POU6F2: variants seen among roughly 807,000 people sequenced by gnomAD.
POU6F2 encodes the protein POU domain, class 6, transcription factor 2.
A neutral mutation model predicts 71.3 loss-of-function variants in POU6F2; 31 were observed. The ratio of observed to expected loss-of-function variants is 0.43; its 90% CI spans 0.33 to 0.59. The LOEUF (loss-of-function observed/expected upper bound fraction) is 0.59. POU6F2 is among the 20% of genes least tolerant of loss of function. The pLI, the probability that POU6F2 is intolerant of heterozygous loss-of-function variation, is 0.04. For missense variants in POU6F2, 783 were observed against 856.8 expected, an observed-to-expected ratio of 0.91 and a Z score of 1.07; for synonymous variants, 347 against 355.7, an observed-to-expected ratio of 0.98 and a Z score of 0.27.
intron 4 of POU6F2, among the ~76,000 whole-genome samples, chr7:39,216,325 T>C (rs1239691217): frequency 6.6e-6 from 1 of 152,234 alleles, no homozygotes; most frequent in Non-Finnish European, 1.5e-5. Flanking sequence ...TCATGTGGTT[T>C]TTCAGAACAC....
chr7:39,327,567 C>T (rs2128770630), intron 4 of POU6F2, among the ~76,000 whole-genome samples: 1 of 151,994 alleles, frequency 6.6e-6, no homozygotes, highest in Non-Finnish European at 1.5e-5. Flanking sequence ...CAAGGCCAGG[C>T]TGGGCAACAT....
intron 4 of POU6F2, among the ~76,000 whole-genome samples, chr7:39,285,814 C>T (rs2128760814): frequency 1.3e-5 from 2 of 152,322 alleles, no homozygotes; most frequent in South Asian, 4.1e-4. Context: ...CCCCATCTGT[C>T]AGCTCCTCTG....
chr7:39,148,883 A>C (rs934021616), intron 2 of POU6F2, among the ~76,000 whole-genome samples: 1 of 152,188 alleles, frequency 6.6e-6, no homozygotes, highest in Non-Finnish European at 1.5e-5. Context: ...GATGATGTGG[A>C]TCCTGTGGAT....
chr7:39,330,254 C>T (rs903286922), intron 4 of POU6F2, among the ~76,000 whole-genome samples: 2 of 152,252 alleles, frequency 1.3e-5, no homozygotes, highest in African/African-American at 2.4e-5. Flanking sequence ...ACATCTCTCA[C>T]TCTCTTTTTC....
chr7:39,391,514 G>GA (rs1454464835), intron 5 of POU6F2, among the ~76,000 whole-genome samples: 1 of 151,962 alleles, frequency 6.6e-6, no homozygotes, highest in Non-Finnish European at 1.5e-5. Context: ...ATGTTATTCT[G>GA]AAAAAAATCA....
chr7:39,319,227 A>T (rs1257343321), intron 4 of POU6F2, among the ~76,000 whole-genome samples: 4 of 152,196 alleles, frequency 2.6e-5, no homozygotes, highest in African/African-American at 9.7e-5. Flanking sequence ...GAAAGCCTGT[A>T]ACTGGGAAAG....
intron 4 of POU6F2, among the ~76,000 whole-genome samples, chr7:39,319,214 G>C (rs1785334890): frequency 6.6e-6 from 1 of 152,156 alleles, no homozygotes; most frequent in Non-Finnish European, 1.5e-5. Flanking sequence ...CAAATTGTAA[G>C]CAGAAAGCCT....
rs536031914 is a variant in POU6F2 at position 39,406,308 on chromosome 7, C to T, written c.973-292C>T. On this transcript the variant is annotated intron_variant, in intron 5 of 9. Coordinates refer to ENST00000518318, the MANE Select transcript of POU6F2 (RefSeq NM_001370959.1). ...CTTCTGCGAAATCATTTCTCCACCC[C>T]AGAAGGTCCTAACAGCCCACCTCAC... 20 of 394,350 alleles carry T rather than the reference C, an allele frequency of 5.1e-5. No individual in the cohort carries two copies. The South Asian group carries it at 7.1e-4, about 14-fold the overall frequency. 24.4% of individuals were successfully genotyped at this position (394,350 alleles called of 1,614,324 possible). A position where few individuals can be genotyped will look rare whatever the true frequency, so the allele number is the denominator to read the frequency against.
chr7:39,233,563 C>T (rs1023045895), intron 4 of POU6F2, among the ~76,000 whole-genome samples: 4 of 152,092 alleles, frequency 2.6e-5, no homozygotes, highest in East Asian at 1.9e-4. Context: ...GAATCCTGTC[C>T]GGAGGGCTAG....
Position 39,187,224 on chromosome 7 carries a change from G to A in POU6F2, c.278-17011G>A, listed in dbSNP as rs567770391. 5.3e-5 allele frequency among the ~76,000 whole-genome samples: 8 copies of A among 152,336 alleles called. No individual in the cohort carries two copies. The South Asian group carries it at 1.7e-3, about 32-fold the overall frequency. ...GGTCCCATGTCCATTAAGTGGTGGA[G>A]ACAGGCAATCCGCCCTCAGAGCCTG... On this transcript the variant is annotated intron_variant, in intron 2 of 9. Coordinates refer to ENST00000518318, the MANE Select transcript of POU6F2 (RefSeq NM_001370959.1).
At chr7:39,117,764 A>T (rs1391673944) in intron 2 of POU6F2, among the ~76,000 whole-genome samples, 1 of 152,160 alleles carries the variant, frequency 6.6e-6, no homozygotes, top group African/African-American at 2.4e-5. Flanking sequence ...TATAAAAAGC[A>T]GTCAGAGCAT....
At chr7:39,025,312 C>T (rs550352690) in intron 1 of POU6F2, among the ~76,000 whole-genome samples, 12 of 152,220 alleles carry the variant, frequency 7.9e-5, no homozygotes, top group South Asian at 6.2e-4. Flanking sequence ...GCCAAAAGGA[C>T]AAAGCTGGAG....
chr7:39,089,015 G>A (rs933524467), intron 2 of POU6F2, among the ~76,000 whole-genome samples: 3 of 152,180 alleles, frequency 2.0e-5, no homozygotes, highest in Non-Finnish European at 4.4e-5. Context: ...GAAACATACT[G>A]TGCAGAATGT....
chr7:39,459,759 A>G (rs1179241140), intron 8 of POU6F2, among the ~76,000 whole-genome samples: 1 of 152,076 alleles, frequency 6.6e-6, no homozygotes, highest in Non-Finnish European at 1.5e-5. Context: ...AGCTTGGTGT[A>G]CGCTTTCATT....
chr7:39,374,779 C>T (rs1583558802), intron 5 of POU6F2, among the ~76,000 whole-genome samples: 1 of 152,094 alleles, frequency 6.6e-6, no homozygotes, highest in Non-Finnish European at 1.5e-5. Flanking sequence ...TCGGAAGGAT[C>T]ATTGTAAAGT....
intron 1 of POU6F2, among the ~76,000 whole-genome samples, chr7:39,020,117 A>G (rs1340792911): frequency 6.6e-6 from 1 of 152,150 alleles, no homozygotes; most frequent in Non-Finnish European, 1.5e-5. Flanking sequence ...GACCCCCCAA[A>G]AAAGCTAGCT....
intron 2 of POU6F2, among the ~76,000 whole-genome samples, chr7:39,091,081 G>A (rs1427362326): frequency 3.9e-5 from 6 of 152,032 alleles, no homozygotes; most frequent in East Asian, 1.9e-4. Context: ...TCCCCGCCCC[G>A]CCCCAGAAAA....
At chr7:39,310,112 C>G (rs1162916787) in intron 4 of POU6F2, among the ~76,000 whole-genome samples, 5 of 151,998 alleles carry the variant, frequency 3.3e-5, no homozygotes, top group Non-Finnish European at 7.4e-5. Context: ...CTCTGAATTC[C>G]CTGAATCTAG....
intron 2 of POU6F2, among the ~76,000 whole-genome samples, chr7:39,131,248 C>T (rs116911881): frequency 9.9e-4 from 151 of 152,268 alleles, no homozygotes; most frequent in Admixed American, 2.2e-3. Context: ...CTGGTAATTA[C>T]TCCAGCTCCT....
Sources: allele counts gnomAD v4.1 joint callset (sites outside exome capture counted in the v4.1 genomes callset), GRCh38; gene constraint gnomAD v4.1.1; transcripts MANE v1.5; gene names NCBI Gene and HGNC (gene_info 2026-07-23, HGNC 2026-07-21).